Variants in TBCEL observed in about 807,000 individuals in gnomAD.
TBCEL encodes tubulin-specific chaperone cofactor E-like protein.
Under a neutral mutation model 44.2 loss-of-function variants are expected in TBCEL, and 15 were observed. The ratio of observed to expected loss-of-function variants is 0.34; its 90% CI spans 0.23 to 0.52. The LOEUF is 0.52. Among genes scored for constraint, TBCEL ranks in the 20% least tolerant of loss-of-function variants. TBCEL has a pLI of 0.95. For synonymous variants in TBCEL, 171 were observed against 185.4 expected (o/e 0.92, Z 0.63); for missense variants, 319 against 506.3 (o/e 0.63, Z 3.55).
At chr11:121,052,910 T>C (rs1945554328) in intron 4 of TBCEL, among the ~76,000 whole-genome samples, 1 of 151,892 alleles carries the variant, frequency 6.6e-6, no homozygotes, top group Non-Finnish European at 1.5e-5. Flanking sequence ...TAATGCTCAT[T>C]TTCTTTTTTT....
chr11:121,060,486 T>C (rs942398131), intron 8 of TBCEL, among the ~76,000 whole-genome samples: 9 of 152,040 alleles, frequency 5.9e-5, no homozygotes, highest in African/African-American at 2.2e-4. Context: ...ATTTGGCAAA[T>C]GTGCAGTAAG....
chr11:121,047,877 C>A, intron 4 of TBCEL: 1 of 386,844 alleles, frequency 2.6e-6, no homozygotes, highest in Non-Finnish European at 4.4e-6. Context: ...AGGAGGATCA[C>A]TTGAGCCCAG....
intron 3 of TBCEL, among the ~76,000 whole-genome samples, chr11:121,046,690 TG>T (rs1945436525): frequency 6.6e-6 from 1 of 152,080 alleles, no homozygotes; most frequent in Non-Finnish European, 1.5e-5. Flanking sequence ...AGTACTACCT[TG>T]ATGAGTCCTT....
In TBCEL at chr11:121,090,600, T is replaced by C. The variant is rs1477898343; in HGVS notation, c.*3504T>C. On this transcript the variant is annotated 3_prime_UTR_variant, in exon 9 of 9. Transcript: ENST00000683345. The stretch of plus-strand genomic sequence containing the variant: ...GTCCATTGTAGTGGTGGAGAGGGAC[T>C]GGACTCTCTCAGGCTCTTTACTTGC... 6.6e-6 allele frequency: 1 copy of C among 151,870 alleles called. No individual in the cohort carries two copies. Among genetic ancestry groups the C allele is most frequent in the Non-Finnish European group, 1.5e-5 (1 of 67,966 alleles). 9.4% of individuals were successfully genotyped at this position (151,870 alleles called of 1,614,324 possible).
chr11:121,077,470 T>G lies in TBCEL; in HGVS notation c.957-9308T>G, dbSNP rs548035907. 6.8e-4 allele frequency among the ~76,000 whole-genome samples: 104 copies of G among 152,250 alleles called. 1 individual carries two copies. Among genetic ancestry groups the G allele is most frequent in the Non-Finnish European group, 1.4e-3 (98 of 67,960 alleles). The stretch of plus-strand genomic sequence containing the variant: ...ATAAGCCTTTAATGTCTATGTGGTC[T>G]GTGGTGATGTTCCCTCTTATAGTGC... On this transcript the variant is annotated intron_variant, in intron 8 of 8. Coordinates refer to ENST00000683345, the MANE Select transcript of TBCEL (RefSeq NM_001363644.2).
At chr11:121,065,505 A>C (rs1591406805) in intron 8 of TBCEL, among the ~76,000 whole-genome samples, 1 of 152,306 alleles carries the variant, frequency 6.6e-6, no homozygotes, top group East Asian at 1.9e-4. Flanking sequence ...TATGTATGCA[A>C]ATTTAAGGGA....
chr11:121,069,299 G>A (rs1214008217), intron 8 of TBCEL, among the ~76,000 whole-genome samples: 1 of 152,098 alleles, frequency 6.6e-6, no homozygotes, highest in African/African-American at 2.4e-5. Context: ...TTGAATATTC[G>A]CTTTATACTC....
chr11:121,037,493 G>T (rs893188441), intron 2 of TBCEL, among the ~76,000 whole-genome samples: 1 of 152,144 alleles, frequency 6.6e-6, no homozygotes, highest in African/African-American at 2.4e-5. Context: ...GCCTAATTAC[G>T]CTGACTTGGT....
intron 1 of TBCEL, among the ~76,000 whole-genome samples, chr11:121,033,051 A>G (rs1036461220): frequency 1.1e-4 from 16 of 152,190 alleles, no homozygotes; most frequent in African/African-American, 2.9e-4. Context: ...ACATATCTTT[A>G]TAGCATTTTA....
chr11:121,079,111 A>C (rs1946080794), intron 8 of TBCEL, among the ~76,000 whole-genome samples: 1 of 152,222 alleles, frequency 6.6e-6, no homozygotes, highest in African/African-American at 2.4e-5. Flanking sequence ...GAAAATACTA[A>C]ATTCACTTCA....
At position 121,089,179 on chromosome 11, in the gene TBCEL, G is replaced by A. The variant is rs1946257905; in HGVS notation, c.*2083G>A. ...TTTTGAAGTTGTGTGACCCTGGACT[G>A]TCCCACAGCAGAAGGCAGAACAAAC... On this transcript the variant is annotated 3_prime_UTR_variant, in exon 9 of 9. Transcript: ENST00000683345. 6.6e-6 allele frequency: 1 copy of A among 152,134 alleles called. No homozygotes were observed. Among genetic ancestry groups the A allele is most frequent in the Admixed American group, 6.6e-5 (1 of 15,254 alleles). The allele number at this position is 152,134 out of a possible 1,614,324, so 9.4% of individuals were successfully genotyped here.
At chr11:121,026,812 C>T (rs1945054505) in intron 1 of TBCEL, among the ~76,000 whole-genome samples, 1 of 152,130 alleles carries the variant, frequency 6.6e-6, no homozygotes, top group South Asian at 2.1e-4. Flanking sequence ...GTGCCTGGAA[C>T]ATTAAGGAAG....
At chr11:121,048,925 A>G (rs1945481156) in intron 4 of TBCEL, among the ~76,000 whole-genome samples, 1 of 151,842 alleles carries the variant, frequency 6.6e-6, no homozygotes, top group Non-Finnish European at 1.5e-5. Flanking sequence ...CCAAGTTGCT[A>G]TTCCTCTGTG....
chr11:121,058,303 G>A (rs375980223), intron 6 of TBCEL, 42 bp from the exon 7 acceptor site: 76 of 1,598,330 alleles, frequency 4.8e-5, no homozygotes, highest in Non-Finnish European at 3.2e-5. Flanking sequence ...TCTTATTTAT[G>A]TGCATCTCTG....
At chr11:121,029,620 G>A (rs1053698027) in intron 1 of TBCEL, among the ~76,000 whole-genome samples, 25 of 152,174 alleles carry the variant, frequency 1.6e-4, no homozygotes, top group African/African-American at 6.0e-4. Context: ...ATTTAAACAG[G>A]TAGCCCATTT....
chr11:121,067,157 C>T (rs550194887), intron 8 of TBCEL, among the ~76,000 whole-genome samples: 4 of 152,232 alleles, frequency 2.6e-5, no homozygotes, highest in South Asian at 4.2e-4. Context: ...CATGATGAGC[C>T]GAATGTCCTT....
intron 4 of TBCEL, among the ~76,000 whole-genome samples, chr11:121,048,932 T>C (rs1263445457): frequency 6.6e-6 from 1 of 151,930 alleles, no homozygotes; most frequent in Non-Finnish European, 1.5e-5. Context: ...GCTATTCCTC[T>C]GTGAAATTTT....
rs184283857 is a variant in TBCEL, at chr11:121,029,654, G to C, written c.-126+5363G>C. On this transcript the variant is annotated intron_variant, in intron 1 of 8. Coordinates refer to ENST00000683345, the MANE Select transcript of TBCEL (RefSeq NM_001363644.2). ...TTCCCAAATTCAGGATCTTAAAACT[G>C]TGTGAAACTTTGATTAATCACTAAT... Among the ~76,000 whole-genome samples the C allele has an allele frequency of 3.8e-3, 585 of 152,292 alleles. 3 individuals are homozygous for C. Among genetic ancestry groups the C allele is most frequent in the Non-Finnish European group, 5.3e-3 (360 of 68,020 alleles).
intron 2 of TBCEL, among the ~76,000 whole-genome samples, chr11:121,043,684 C>T (rs1467245976): frequency 6.6e-6 from 1 of 152,118 alleles, no homozygotes; most frequent in Non-Finnish European, 1.5e-5. Context: ...CTCTTATCAT[C>T]CCATCTTCCT....
Sources: allele counts gnomAD v4.1 joint callset (sites outside exome capture counted in the v4.1 genomes callset), GRCh38; gene constraint gnomAD v4.1.1; transcripts MANE v1.5; gene names NCBI Gene and HGNC (gene_info 2026-07-23, HGNC 2026-07-21).